The following CPPED1 variants were observed in gnomAD, a reference collection of about 807,000 sequenced individuals.
CPPED1 encodes the protein calcineurin like phosphoesterase domain containing 1, also known as serine/threonine-protein phosphatase CPPED1.
In CPPED1, 28 loss-of-function variants were observed where a neutral mutation model predicts 28.0. The ratio of observed to expected loss-of-function variants is 1.00; its 90% CI spans 0.74 to 1.37. The LOEUF (loss-of-function observed/expected upper bound fraction) is 1.37, where lower values mean the gene tolerates loss of function less well. Ranked by LOEUF, CPPED1 falls within the 40% of genes most tolerant of loss-of-function variation. The probability of loss-of-function intolerance (pLI) is 0.00; values close to 1 mark genes in which losing one functional copy is unlikely to be tolerated. For synonymous variants in CPPED1, 198 were observed against 180.2 expected (o/e 1.10, Z -0.79); for missense variants, 504 against 416.5 (o/e 1.21, Z -1.83).
Position 12,704,688 on chromosome 16 carries a change from G to C in CPPED1, c.651C>G (p.Asp217Glu), listed in dbSNP as rs1475932687. 5 of 1,614,020 alleles carry C rather than the reference G, an allele frequency of 3.1e-6. No individual in the cohort carries two copies. Among genetic ancestry groups the C allele is most frequent in the East Asian group, 2.2e-5 (1 of 44,898 alleles). The stretch of plus-strand genomic sequence containing the variant: ...ACTTGCTGAGGTTGAAGTAGTAGTC[G>C]TCGTCCTCGTCGATGCTCTCCAGGA... The part of the protein sequence containing the change: ...PLFLESIDED[D>E]DYYFNLSKST... Residue 217 changes from aspartate (D) to glutamate (E), a missense_variant, in exon 3 of 4, where the codon GAC (aspartate) becomes GAG (glutamate). Coordinates refer to ENST00000381774, the MANE Select transcript of CPPED1 (RefSeq NM_018340.3).
intron 2 of CPPED1, among the ~76,000 whole-genome samples, chr16:12,741,122 T>C (rs751634856): frequency 6.6e-6 from 1 of 152,038 alleles, no homozygotes; most frequent in Non-Finnish European, 1.5e-5. Context: ...TGACAAAATA[T>C]CATAGTAACT....
Position 12,696,633 on chromosome 16 carries a change from G to C in CPPED1, c.715+7991C>G, listed in dbSNP as rs56073573. ...ATTTTTTGTATTTTTAGTAGAGATG[G>C]GGTTTCACCATGTTGGCCAGGCTGG... On this transcript the variant is annotated intron_variant, in intron 3 of 3. Coordinates refer to ENST00000381774, the MANE Select transcript of CPPED1 (RefSeq NM_018340.3). 6.4e-3 allele frequency among the ~76,000 whole-genome samples: 967 copies of C among 152,054 alleles called. 7 individuals are homozygous for C. The highest frequency in any genetic ancestry group is 0.011 in the Non-Finnish European group (726 of 67,976).
At chr16:12,802,463 T>C (rs1274416528) in intron 1 of CPPED1, among the ~76,000 whole-genome samples, 2 of 151,784 alleles carry the variant, frequency 1.3e-5, no homozygotes, top group African/African-American at 4.8e-5. Flanking sequence ...TAGCCGGGCG[T>C]GGTGGTGCGT....
At chr16:12,724,174 G>C (rs9922287) in intron 2 of CPPED1, among the ~76,000 whole-genome samples, 36,092 of 152,002 alleles carry the variant, frequency 0.24, 4,537 homozygotes, top group East Asian at 0.31. Flanking sequence ...GTTCACAGTG[G>C]TGGCGGCCTG....
Position 12,803,885 on chromosome 16 carries a change from C to T in CPPED1, c.-109G>A, listed in dbSNP as rs552607620. ...CCCGCTTTGGGCGACGCCCTTTGAT[C>T]TCGGGGCGGGACTGGGGCGGGACGG... On this transcript the variant is annotated 5_prime_UTR_variant, in exon 1 of 4. Transcript: ENST00000381774. 3.4e-5 allele frequency: 36 copies of T among 1,072,454 alleles called. 1 individual carries two copies. In the East Asian group the frequency reaches 4.4e-4, roughly 13 times the overall value. The allele number at this position is 1,072,454 out of a possible 1,614,324, so 66.4% of individuals were successfully genotyped here.
At chr16:12,800,255 A>G (rs1408026191) in intron 1 of CPPED1, among the ~76,000 whole-genome samples, 1 of 152,190 alleles carries the variant, frequency 6.6e-6, no homozygotes, top group African/African-American at 2.4e-5. Flanking sequence ...CCTGGCCAAC[A>G]TGGCGAAACC....
intron 3 of CPPED1, among the ~76,000 whole-genome samples, chr16:12,691,729 G>A (rs574957820): frequency 1.1e-4 from 16 of 147,824 alleles, no homozygotes; most frequent in Admixed American, 7.6e-4. Context: ...ACCAAACACC[G>A]CATGTTCTCA....
intron 2 of CPPED1, among the ~76,000 whole-genome samples, chr16:12,776,634 C>T (rs563208172): frequency 1.3e-5 from 2 of 152,080 alleles, no homozygotes; most frequent in African/African-American, 2.4e-5. Flanking sequence ...TAAGATGTGC[C>T]TTTCAGCTGG....
At chr16:12,728,099 T>G (rs79349031) in intron 2 of CPPED1, among the ~76,000 whole-genome samples, 1,893 of 152,318 alleles carry the variant, frequency 0.012, 39 homozygotes, top group African/African-American at 0.043. Flanking sequence ...GCGAAATATT[T>G]GCAATTTCTG....
intron 2 of CPPED1, chr16:12,761,130 C>G (rs545532935): frequency 1.3e-5 from 2 of 151,936 alleles, no homozygotes; most frequent in Admixed American, 6.6e-5. Flanking sequence ...GAAAAGAGGC[C>G]AAGCTGCGTG....
intron 2 of CPPED1, 167 bp downstream of exon 2, chr16:12,781,018 G>A (rs2080527174): frequency 3.3e-6 from 2 of 614,386 alleles, no homozygotes; most frequent in Non-Finnish European, 5.8e-6. Flanking sequence ...AATATAACAT[G>A]AGTGTGCACT....
intron 2 of CPPED1, among the ~76,000 whole-genome samples, chr16:12,714,236 A>G (rs2080094931): frequency 6.6e-6 from 1 of 152,230 alleles, no homozygotes; most frequent in Non-Finnish European, 1.5e-5. Context: ...TTATGCTGCT[A>G]TAAAAATCCA....
rs978600434 is a variant in CPPED1 at position 12,670,028 on chromosome 16, T to C, written c.716-4913A>G. 3.3e-5 allele frequency among the ~76,000 whole-genome samples: 5 copies of C among 152,142 alleles called. No homozygotes were observed. Among genetic ancestry groups the C allele is most frequent in the African/African-American group, 1.2e-4 (5 of 41,428 alleles). On this transcript the variant is annotated intron_variant, in intron 3 of 3. Coordinates refer to ENST00000381774, the MANE Select transcript of CPPED1 (RefSeq NM_018340.3). This position sits in a 1 kb window ranked among gnomAD's most constrained non-coding sequence, Gnocchi z 4.2. ...AAAATCCACGAGGCGGCCAGGCACA[T>C]TGACTCATGCCTGCAATCCCAGCAC...
At chr16:12,751,804 T>C (rs1367898074) in intron 2 of CPPED1, among the ~76,000 whole-genome samples, 1 of 152,238 alleles carries the variant, frequency 6.6e-6, no homozygotes, top group Non-Finnish European at 1.5e-5. Flanking sequence ...TATTAATCTT[T>C]AGACTATTTT....
chr16:12,732,910 A>T (rs150457014), intron 2 of CPPED1, among the ~76,000 whole-genome samples: 148 of 152,330 alleles, frequency 9.7e-4, no homozygotes, highest in African/African-American at 3.4e-3. Context: ...TAGATCCAAC[A>T]TGAGAGAGAA....
intron 1 of CPPED1, among the ~76,000 whole-genome samples, chr16:12,786,819 C>T (rs547460030): frequency 6.7e-4 from 102 of 152,108 alleles, no homozygotes; most frequent in African/African-American, 2.3e-3. Context: ...CTCAGGAGGC[C>T]GGAGAATCTC....
At chr16:12,773,823 C>T (rs1275426267) in intron 2 of CPPED1, among the ~76,000 whole-genome samples, 1 of 152,216 alleles carries the variant, frequency 6.6e-6, no homozygotes, top group African/African-American at 2.4e-5. Context: ...GGCATCACCG[C>T]GATTCCTGAC....
chr16:12,685,189 G>C (rs983781696), intron 3 of CPPED1, among the ~76,000 whole-genome samples: 1 of 152,304 alleles, frequency 6.6e-6, no homozygotes, highest in South Asian at 2.1e-4. Flanking sequence ...GGCGGCTCAC[G>C]CCTGCAATCC....
At chr16:12,720,725 G>A (rs148047453) in intron 2 of CPPED1, among the ~76,000 whole-genome samples, 93 of 152,274 alleles carry the variant, frequency 6.1e-4, no homozygotes, top group Admixed American at 1.5e-3. Context: ...TGATCTGCCC[G>A]TCTTGGCCTT....
Sources: gnomAD v4.1 joint callset for allele counts (sites outside exome capture counted in the v4.1 genomes callset) on GRCh38, gnomAD v4.1.1 for gene constraint, Gnocchi (gnomAD v3.1) non-coding constraint, MANE v1.5 for transcripts, NCBI Gene and HGNC (gene_info 2026-07-23, HGNC 2026-07-21) for gene names.